Variants in MED17 observed in about 807,000 individuals in gnomAD.
MED17 encodes mediator of RNA polymerase II transcription subunit 17.
MED17 carries 49 observed loss-of-function variants against 80.8 expected under a neutral mutation model. The ratio of observed to expected loss-of-function variants is 0.61; its 90% CI spans 0.48 to 0.77. The LOEUF is 0.77. MED17 is among the 30% of genes least tolerant of loss of function. The pLI is 0.00. For synonymous variants in MED17, 281 were observed against 280.4 expected, an observed-to-expected ratio of 1.00 and a Z score of -0.02; for missense variants, 718 against 787.0, an observed-to-expected ratio of 0.91 and a Z score of 1.05.
chr11:93,788,379 T>C (rs1214699041), intron 2 of MED17: 3 of 484,164 alleles, frequency 6.2e-6, no homozygotes, highest in Non-Finnish European at 1.1e-5. Context: ...TTAAGTTTCA[T>C]TAAGAATGTA....
At chr11:93,805,603 A>C (rs559966914) in intron 9 of MED17, among the ~76,000 whole-genome samples, 8 of 152,226 alleles carry the variant, frequency 5.3e-5, no homozygotes, top group South Asian at 2.1e-4. Flanking sequence ...AGGACATTTA[A>C]ATTTTTAATT....
rs140127665 is a variant in MED17 at position 93,807,390 on chromosome 11, G to GC, written c.1467-127dup. The GC allele has an allele frequency of 7.2e-3, 4,963 of 685,708 alleles. 168 individuals are homozygous for GC. In the African/African-American group the frequency reaches 0.074, roughly 10 times the overall value. 42.5% of individuals were successfully genotyped at this position (685,708 alleles called of 1,614,324 possible). A position where few individuals can be genotyped will look rare whatever the true frequency, so the allele number is the denominator to read the frequency against. On this transcript the variant is annotated intron_variant, in intron 9 of 11. Transcript: ENST00000251871. ...ATCACGCCACTGCACTCCAGCCTGGGCAACAGGCTTTGAGACTTTGTCTAA... is the reference window on the plus strand; with the variant it reads ...ATCACGCCACTGCACTCCAGCCTGGGCCAACAGGCTTTGAGACTTTGTCTAA...
Position 93,794,388 on chromosome 11 carries a change from G to A in MED17, c.859+353G>A, listed in dbSNP as rs557422328. ...CCTGGCTAATTTTGTATTTTTAGTA[G>A]AGATGGGGTTTCTCCATGTTGGTCA... On this transcript the variant is annotated intron_variant, in intron 5 of 11. Transcript: ENST00000251871. 7.2e-5 allele frequency: 20 copies of A among 278,020 alleles called. No homozygotes were observed. The South Asian group carries it at 7.5e-4, about 10-fold the overall frequency. 17.2% of individuals were successfully genotyped at this position (278,020 alleles called of 1,614,324 possible).
intron 8 of MED17, among the ~76,000 whole-genome samples, chr11:93,798,228 G>A (rs1234322000): frequency 6.6e-6 from 1 of 152,130 alleles, no homozygotes; most frequent in East Asian, 1.9e-4. Flanking sequence ...GTTGCAGAAC[G>A]AGGATTTATG....
rs989426928 is a variant in MED17 at position 93,805,134 on chromosome 11, C to A, written c.1467-2384C>A. Among the ~76,000 whole-genome samples, 37 of 152,260 alleles carry A rather than the reference C, an allele frequency of 2.4e-4. 1 individual carries two copies. Among genetic ancestry groups the A allele is most frequent in the Admixed American group, 2.2e-3 (33 of 15,292 alleles). On this transcript the variant is annotated intron_variant, in intron 9 of 11. Coordinates refer to ENST00000251871, the MANE Select transcript of MED17 (RefSeq NM_004268.5). ...ATTATTTTGTTAGCACATAGATCTA[C>A]CTCATTTTTTTCTTACAGCCTTTTT... is the stretch of plus-strand genomic sequence containing the variant.
chr11:93,805,491 G>A (rs1294577363), intron 9 of MED17, among the ~76,000 whole-genome samples: 2 of 152,148 alleles, frequency 1.3e-5, no homozygotes, highest in Non-Finnish European at 2.9e-5. Context: ...TGAAGTGGGA[G>A]AATCATTTGA....
intron 6 of MED17, chr11:93,795,660 G>T (rs1943891878): frequency 6.5e-6 from 1 of 153,524 alleles, no homozygotes; most frequent in South Asian, 2.0e-4. Flanking sequence ...CTGGAGATCA[G>T]TTTGTATTTA....
chr11:93,802,093 A>G, intron 9 of MED17, 121 bp downstream of exon 9: 1 of 929,834 alleles, frequency 1.1e-6, no homozygotes, highest in Non-Finnish European at 1.6e-6. Context: ...TCTGTAAATT[A>G]TATAAGCTGT....
chr11:93,784,479 G>C lies in MED17; in HGVS notation c.-35G>C, dbSNP rs748946066. 7 of 1,573,870 alleles carry C rather than the reference G, an allele frequency of 4.4e-6. No individual in the cohort carries two copies. The highest frequency in any genetic ancestry group is 6.0e-6 in the Non-Finnish European group (7 of 1,159,718). On this transcript the variant is annotated 5_prime_UTR_variant, in exon 1 of 12. Transcript: ENST00000251871. ...CTTCGTACCTCGTTTTTTGGCTCGT[G>C]GGGGGTCCTCCCACCGCTGGCCGAC...
At chr11:93,800,947 TCC>T (rs1267092239) in intron 8 of MED17, 2 of 152,128 alleles carry the variant, frequency 1.3e-5, no homozygotes, top group Non-Finnish European at 2.9e-5. Context: ...TCTTTCTCTT[TCC>T]AGTAAAGTGC....
intron 9 of MED17, among the ~76,000 whole-genome samples, chr11:93,805,145 T>G (rs1262459708): frequency 6.6e-6 from 1 of 152,278 alleles, no homozygotes; most frequent in Admixed American, 6.5e-5. Context: ...CTCATTTTTT[T>G]CTTACAGCCT....
intron 9 of MED17, among the ~76,000 whole-genome samples, chr11:93,803,971 ATG>A (rs1943990175): frequency 1.3e-4 from 17 of 131,420 alleles, no homozygotes; most frequent in African/African-American, 5.0e-4. Context: ...ATGTGTGTAT[ATG>A]TGTGTGTGTG....
chr11:93,787,177 G>C (rs1192807062), intron 1 of MED17, among the ~76,000 whole-genome samples: 1 of 152,146 alleles, frequency 6.6e-6, no homozygotes, highest in African/African-American at 2.4e-5. Context: ...ACTTTCGGAG[G>C]CCGGGGCAGG....
intron 3 of MED17, among the ~76,000 whole-genome samples, chr11:93,792,058 T>G (rs1035683871): frequency 1.5e-5 from 2 of 133,104 alleles, no homozygotes; most frequent in Non-Finnish European, 3.2e-5. Flanking sequence ...TGGCAATGTT[T>G]TATAAGCTGC....
intron 7 of MED17, 66 bp downstream of exon 7, chr11:93,796,606 G>T: frequency 6.4e-7 from 1 of 1,566,104 alleles, no homozygotes; most frequent in Non-Finnish European, 8.8e-7. Flanking sequence ...TATGCACAAA[G>T]CTCCTCTCGT....
intron 8 of MED17, among the ~76,000 whole-genome samples, chr11:93,799,141 G>A (rs1943935212): frequency 1.3e-5 from 2 of 151,656 alleles, no homozygotes; most frequent in African/African-American, 4.8e-5. Flanking sequence ...TTTGAGACCA[G>A]CCTGGGCAAC....
intron 6 of MED17, 65 bp from the exon 7 acceptor site, chr11:93,796,345 A>G (rs1943900859): frequency 1.5e-6 from 2 of 1,371,948 alleles, no homozygotes; most frequent in Non-Finnish European, 2.1e-6. Flanking sequence ...ATACTTTATG[A>G]AGACAGTTTA....
intron 7 of MED17, chr11:93,797,139 G>T (rs1476280372): frequency 5.0e-5 from 11 of 221,920 alleles, no homozygotes; most frequent in Non-Finnish European, 1.0e-4. Context: ...GATTGCATGC[G>T]TTCTATTTAT....
At chr11:93,804,669 T>A (rs1944005739) in intron 9 of MED17, among the ~76,000 whole-genome samples, 1 of 152,248 alleles carries the variant, frequency 6.6e-6, no homozygotes, top group Non-Finnish European at 1.5e-5. Context: ...TTGTATGCTT[T>A]CTAGCAACAT....
Sources: gnomAD v4.1 joint callset for allele counts (sites outside exome capture counted in the v4.1 genomes callset) on GRCh38, gnomAD v4.1.1 for gene constraint, MANE v1.5 for transcripts, NCBI Gene and HGNC (gene_info 2026-07-23, HGNC 2026-07-21) for gene names.